The following USH2A variants were observed in gnomAD, a reference collection of about 807,000 sequenced individuals.
The protein encoded by USH2A is Usher syndrome 2A (autosomal recessive, mild).
USH2A carries 443 observed loss-of-function variants against 538.9 expected under a neutral mutation model. The observed-to-expected ratio is 0.82, with a 90% CI of 0.76 to 0.89. The LOEUF is 0.89. Among genes scored for constraint, USH2A ranks in the 40% least tolerant of loss-of-function variants. The probability of loss-of-function intolerance (pLI) is 0.00; values close to 1 mark genes in which losing one functional copy is unlikely to be tolerated. For missense variants in USH2A, 6,633 were observed against 6,324.8 expected (o/e 1.05, Z -1.65); for synonymous variants, 2,413 against 2,273.5 (o/e 1.06, Z -1.75).
In USH2A at chr1:215,674,685, G is replaced by A. The variant is rs752003063; in HGVS notation, c.13226C>T (p.Ser4409Phe). The stretch of plus-strand genomic sequence containing the variant: ...ATACTGAGAGTAAGGCTGCAGGTGG[G>A]AAACCAGCAGGCACAGGCCCTGGCC... The part of the protein sequence containing the change: ...LAGQGLCLLV[S>F]HLQPYSQYNF... The change falls in exon 63 of 72, where the codon TCC (serine) becomes TTC (phenylalanine). Residue 4409 changes from serine to phenylalanine, a missense_variant. Coordinates refer to ENST00000307340, the MANE Select transcript of USH2A (RefSeq NM_206933.4). The A allele has an allele frequency of 6.2e-7, 1 of 1,614,030 alleles. No individual in the cohort carries two copies.
At chr1:216,101,222 A>G (rs1423013239) in intron 21 of USH2A, among the ~76,000 whole-genome samples, 6 of 152,236 alleles carry the variant, frequency 3.9e-5, no homozygotes, top group Non-Finnish European at 7.3e-5. Flanking sequence ...CATGTAATCA[A>G]TTCTTTAAAT....
chr1:215,818,965 T>C (rs187110961), intron 47 of USH2A, among the ~76,000 whole-genome samples: 1 of 151,828 alleles, frequency 6.6e-6, no homozygotes, highest in East Asian at 1.9e-4. Flanking sequence ...ATATAAAAAT[T>C]ATAATGATTT....
intron 24 of USH2A, among the ~76,000 whole-genome samples, chr1:216,085,933 G>A (rs1321102397): frequency 6.6e-6 from 1 of 152,002 alleles, no homozygotes; most frequent in Non-Finnish European, 1.5e-5. Context: ...TGCAACCCAT[G>A]AACAAATTAT....
Position 215,625,802 on chromosome 1 carries a change from TGTG to T in USH2A, c.15585_15587del (p.Thr5196del). 1 of 1,614,130 alleles carries T rather than the reference TGTG, an allele frequency of 6.2e-7. No individual in the cohort carries two copies. The highest frequency in any genetic ancestry group is 1.1e-5 in the South Asian group (1 of 91,082). ...TCCTTTACAGGTGGGTGTCTGTGAA[TGTG>T]GTGCGTTCCTTAGTCACTGAGCTGA... is the stretch of plus-strand genomic sequence containing the variant. On this transcript the variant is annotated inframe_deletion, in exon 72 of 72. Transcript: ENST00000307340.
At chr1:216,000,159 GT>G (rs1248172740) in intron 33 of USH2A, among the ~76,000 whole-genome samples, 1 of 152,128 alleles carries the variant, frequency 6.6e-6, no homozygotes, top group Non-Finnish European at 1.5e-5. Context: ...AAAGTGGTCA[GT>G]TTTTTGTTTA....
intron 22 of USH2A, among the ~76,000 whole-genome samples, chr1:216,095,324 A>C (rs2032413906): frequency 6.6e-6 from 1 of 152,072 alleles, no homozygotes; most frequent in Non-Finnish European, 1.5e-5. Context: ...TGACCTACTA[A>C]TCTGAGGCTC....
intron 38 of USH2A, among the ~76,000 whole-genome samples, chr1:215,904,907 C>T (rs760730180): frequency 2.6e-5 from 4 of 152,056 alleles, no homozygotes; most frequent in African/African-American, 4.8e-5. Flanking sequence ...ATGGTATAAT[C>T]TTTTGAATGT....
intron 3 of USH2A, among the ~76,000 whole-genome samples, chr1:216,396,004 A>G (rs1268101940): frequency 6.6e-6 from 1 of 152,216 alleles, no homozygotes; most frequent in Non-Finnish European, 1.5e-5. Flanking sequence ...CCACAGCTAC[A>G]TACACATACA....
chr1:215,789,505 G>A (rs1350046146), intron 51 of USH2A, among the ~76,000 whole-genome samples: 1 of 152,128 alleles, frequency 6.6e-6, no homozygotes, highest in Non-Finnish European at 1.5e-5. Context: ...ACATGACATG[G>A]CTGTGTACAA....
At chr1:215,916,735 A>T (rs1665964270) in intron 38 of USH2A, among the ~76,000 whole-genome samples, 1 of 152,108 alleles carries the variant, frequency 6.6e-6, no homozygotes, top group African/African-American at 2.4e-5. Flanking sequence ...AGGGGGGCAG[A>T]GGTGGGTCAA....
At chr1:215,994,082 GTTCAGTATCTC>G (rs1668077690) in intron 34 of USH2A, among the ~76,000 whole-genome samples, 1 of 151,996 alleles carries the variant, frequency 6.6e-6, no homozygotes, top group Non-Finnish European at 1.5e-5. Context: ...CTTAAGCTTG[GTTCAGTATCTC>G]TTCAAGTTAC....
rs1027603656 is a variant in USH2A at position 216,240,173 on chromosome 1, A to T, written c.2809+6412T>A. Among the ~76,000 whole-genome samples, 8 of 152,288 alleles carry T rather than the reference A, an allele frequency of 5.3e-5. No individual in the cohort carries two copies. In the South Asian group the frequency reaches 8.3e-4, roughly 16 times the overall value. ...AAAGGTTTGGAATTGAAAGCCCCAG[A>T]GATTTCCGAAGTCAGATATAAGGTG... On this transcript the variant is annotated intron_variant, in intron 13 of 71. Coordinates refer to ENST00000307340, the MANE Select transcript of USH2A (RefSeq NM_206933.4).
intron 61 of USH2A, among the ~76,000 whole-genome samples, chr1:215,686,594 A>G (rs1420131576): frequency 6.6e-6 from 1 of 152,086 alleles, no homozygotes. Flanking sequence ...ACAATAAGTA[A>G]CATTAGGCAA....
intron 13 of USH2A, 91 bp downstream of exon 13, chr1:216,246,494 A>G (rs1174604782): frequency 6.4e-7 from 1 of 1,555,226 alleles, no homozygotes; most frequent in African/African-American, 1.4e-5. Context: ...TAAAATTTGT[A>G]GAAGCCACAA....
chr1:215,632,956 C>T (rs1454405493), intron 70 of USH2A, among the ~76,000 whole-genome samples: 3 of 152,242 alleles, frequency 2.0e-5, no homozygotes, highest in African/African-American at 7.2e-5. Context: ...ATGCCAGGCA[C>T]CGTTCTGGGT....
chr1:215,816,690 A>C (rs1179227111), intron 48 of USH2A, among the ~76,000 whole-genome samples: 2 of 152,094 alleles, frequency 1.3e-5, no homozygotes, highest in East Asian at 3.8e-4. Flanking sequence ...CATATAAACA[A>C]ACACCTATTT....
At position 215,888,820 on chromosome 1, in the gene USH2A, A is replaced by G. The variant is rs762681028; in HGVS notation, c.7829T>C (p.Leu2610Pro). Residue 2610 changes from leucine (L) to proline (P), a missense_variant, in exon 41 of 72, where the codon CTT becomes CCT. Leu to Pro is a moderately conservative substitution (Grantham distance 98). Transcript: ENST00000307340. ...VEACTSKGCSLSPESQTVWTL... is the reference protein window; with the variant it reads ...VEACTSKGCSPSPESQTVWTL... Reference sequence around the variant, plus strand: ...CCATACAGTCTGGGACTCTGGTGAAAGGGAACATCCTTTTGAAGTGCAGGC... The same window carrying G: ...CCATACAGTCTGGGACTCTGGTGAAGGGGAACATCCTTTTGAAGTGCAGGC... The G allele has an allele frequency of 6.2e-7, 1 of 1,614,140 alleles. No individual in the cohort carries two copies. Among genetic ancestry groups the G allele is most frequent in the Non-Finnish European group, 8.5e-7 (1 of 1,180,000 alleles).
chr1:216,072,628 C>T (rs2031593583), intron 29 of USH2A: 1 of 503,762 alleles, frequency 2.0e-6, no homozygotes, highest in South Asian at 2.0e-5. Flanking sequence ...ATCCTTAAGA[C>T]AACCTGAACT....
rs550335497 is a variant in USH2A, at chr1:215,631,060, T to C, written c.15298-2025A>G. ...TGTTGATGAAATACAAAAGACACTC[T>C]CATTCCTTGGCACCTCTGCCTATTT... On this transcript the variant is annotated intron_variant, in intron 70 of 71. Coordinates refer to ENST00000307340, the MANE Select transcript of USH2A (RefSeq NM_206933.4). Among the ~76,000 whole-genome samples the C allele has an allele frequency of 3.3e-5, 5 of 152,340 alleles. No individual in the cohort carries two copies. The East Asian group carries it at 9.7e-4, about 29-fold the overall frequency.
Sources: gnomAD v4.1 joint callset for allele counts (sites outside exome capture counted in the v4.1 genomes callset) on GRCh38, gnomAD v4.1.1 for gene constraint, MANE v1.5 for transcripts, NCBI Gene and HGNC (gene_info 2026-07-23, HGNC 2026-07-21) for gene names.